FHIT: variants seen among roughly 807,000 people sequenced by gnomAD.
The protein encoded by FHIT is fragile histidine triad diadenosine triphosphatase.
In FHIT, 19 loss-of-function variants were observed where a neutral mutation model predicts 17.9. The ratio of observed to expected loss-of-function variants is 1.06; its 90% CI spans 0.74 to 1.56. The LOEUF is 1.56. FHIT is among the 40% of genes most tolerant of loss of function. The pLI is 0.00. For synonymous variants in FHIT, 81 were observed against 69.7 expected, an observed-to-expected ratio of 1.16 and a Z score of -0.81; for missense variants, 248 against 189.2, an observed-to-expected ratio of 1.31 and a Z score of -1.82.
chr3:60,429,392 A>T (rs1377585994), intron 5 of FHIT, among the ~76,000 whole-genome samples: 1 of 152,126 alleles, frequency 6.6e-6, no homozygotes, highest in Non-Finnish European at 1.5e-5. Flanking sequence ...AGCAAGAGCT[A>T]AATATGGAGA....
chr3:59,892,871 T>G (rs1211242512), intron 8 of FHIT, among the ~76,000 whole-genome samples: 1 of 152,174 alleles, frequency 6.6e-6, no homozygotes, highest in Non-Finnish European at 1.5e-5. Flanking sequence ...TTGGTCATAT[T>G]TGGGCAGCCT....
At chr3:60,257,523 A>G (rs1011527021) in intron 5 of FHIT, among the ~76,000 whole-genome samples, 1 of 152,162 alleles carries the variant, frequency 6.6e-6, no homozygotes, top group Admixed American at 6.5e-5. Flanking sequence ...AGTGTTCAAC[A>G]TAATAGCTGC....
intron 5 of FHIT, among the ~76,000 whole-genome samples, chr3:60,312,006 C>T (rs531692290): frequency 6.6e-6 from 1 of 152,108 alleles, no homozygotes; most frequent in Admixed American, 6.5e-5. Flanking sequence ...TTTAGTGGGC[C>T]GTGACCAGCA....
intron 5 of FHIT, among the ~76,000 whole-genome samples, chr3:60,194,089 T>A (rs1010222807): frequency 6.6e-6 from 1 of 152,040 alleles, no homozygotes; most frequent in East Asian, 1.9e-4. Context: ...GAAAACTCAA[T>A]CCTAAAGTTC....
At position 61,069,398 on chromosome 3, in the gene FHIT, C is replaced by T. The variant is rs114426393; in HGVS notation, c.-163-27299G>A. 5.8e-3 allele frequency among the ~76,000 whole-genome samples: 880 copies of T among 152,298 alleles called. 9 individuals are homozygous for T. Among genetic ancestry groups the T allele is most frequent in the African/African-American group, 0.02 (843 of 41,560 alleles). On this transcript the variant is annotated intron_variant, in intron 2 of 9. Coordinates refer to ENST00000492590, the MANE Select transcript of FHIT (RefSeq NM_002012.4). ...CACCCCAGTGATTCTGAAGCAATTG[C>T]TCTGGGGCATGTCTTGGGCATTGTG...
intron 2 of FHIT, among the ~76,000 whole-genome samples, chr3:61,049,850 A>G (rs936963501): frequency 6.6e-6 from 1 of 152,156 alleles, no homozygotes; most frequent in South Asian, 2.1e-4. Flanking sequence ...CGTCCCCTGG[A>G]GCAGGTCATA....
intron 8 of FHIT, among the ~76,000 whole-genome samples, chr3:59,818,460 G>GT (rs1303393001): frequency 3.3e-5 from 5 of 152,080 alleles, no homozygotes; most frequent in Non-Finnish European, 7.4e-5. Context: ...GGAAGATGGT[G>GT]TTTTTTTCTC....
chr3:60,802,559 A>C (rs1196537711), intron 4 of FHIT, among the ~76,000 whole-genome samples: 1 of 152,210 alleles, frequency 6.6e-6, no homozygotes, highest in African/African-American at 2.4e-5. Context: ...TACAGTACTC[A>C]AGTTTTCAAA....
At chr3:60,558,904 G>C (rs181349) in intron 4 of FHIT, among the ~76,000 whole-genome samples, 136,128 of 152,212 alleles carry the variant, frequency 0.89, 61,115 homozygotes, top group African/African-American at 0.97. Flanking sequence ...GAGATGGTTC[G>C]ATCCATTTCA....
chr3:60,296,701 T>A (rs1427737393), intron 5 of FHIT, among the ~76,000 whole-genome samples: 2 of 152,078 alleles, frequency 1.3e-5, no homozygotes, highest in African/African-American at 4.8e-5. Context: ...ATGCATTTGA[T>A]GCCAAGTCCA....
chr3:60,479,355 GAGGA>G (rs34967661), intron 5 of FHIT, among the ~76,000 whole-genome samples: 6,839 of 152,208 alleles, frequency 0.045, 193 homozygotes, highest in Middle Eastern at 0.1. Context: ...TGGGGAGGGA[GAGGA>G]AGGGTCATAA....
intron 3 of FHIT, among the ~76,000 whole-genome samples, chr3:60,915,092 A>T (rs1462850452): frequency 6.6e-6 from 1 of 152,232 alleles, no homozygotes; most frequent in Non-Finnish European, 1.5e-5. Flanking sequence ...TGGTTTTCCA[A>T]CAACAGAGAG....
intron 4 of FHIT, among the ~76,000 whole-genome samples, chr3:60,633,699 A>C (rs1387005613): frequency 2.6e-5 from 4 of 152,210 alleles, no homozygotes; most frequent in Non-Finnish European, 5.9e-5. Context: ...AGGAAATGCT[A>C]GCTGACCCTC....
intron 5 of FHIT, among the ~76,000 whole-genome samples, chr3:60,501,055 T>C (rs1559495703): frequency 6.6e-6 from 1 of 152,188 alleles, no homozygotes; most frequent in Non-Finnish European, 1.5e-5. Context: ...CAAGATCTGT[T>C]GAACTGAATT....
intron 3 of FHIT, among the ~76,000 whole-genome samples, chr3:61,005,062 G>A (rs1020511461): frequency 6.6e-6 from 1 of 152,146 alleles, no homozygotes; most frequent in African/African-American, 2.4e-5. Flanking sequence ...TTGCAGCAGA[G>A]TGCTAAGCAT....
At chr3:60,563,795 A>G (rs760452643) in intron 4 of FHIT, among the ~76,000 whole-genome samples, 16 of 152,316 alleles carry the variant, frequency 1.1e-4, no homozygotes, top group Non-Finnish European at 2.2e-4. Context: ...AAGCTAGCAG[A>G]GATTGGTCAT....
intron 3 of FHIT, among the ~76,000 whole-genome samples, chr3:60,980,002 C>G (rs934638360): frequency 6.6e-6 from 1 of 152,206 alleles, no homozygotes; most frequent in Non-Finnish European, 1.5e-5. Flanking sequence ...CTATGAAAAA[C>G]TAAACCATTT....
At chr3:60,870,562 A>G (rs2107062835) in intron 3 of FHIT, among the ~76,000 whole-genome samples, 1 of 152,288 alleles carries the variant, frequency 6.6e-6, no homozygotes, top group African/African-American at 2.4e-5. Flanking sequence ...AGAACTGAGC[A>G]GCATGAAGCT....
intron 5 of FHIT, among the ~76,000 whole-genome samples, chr3:60,219,605 C>A (rs1251690372): frequency 6.6e-6 from 1 of 152,106 alleles, no homozygotes; most frequent in African/African-American, 2.4e-5. Context: ...GCTGTAAGTT[C>A]ATCTGACAGA....
Sources: allele counts gnomAD v4.1 joint callset (sites outside exome capture counted in the v4.1 genomes callset), GRCh38; gene constraint gnomAD v4.1.1; transcripts MANE v1.5; gene names NCBI Gene and HGNC (gene_info 2026-07-23, HGNC 2026-07-21).